Variants in SETX observed in about 807,000 individuals in gnomAD.
SETX encodes helicase senataxin.
SETX carries 90 observed loss-of-function variants against 227.2 expected under a neutral mutation model. That is an observed-to-expected ratio of 0.40 (90% CI 0.33 to 0.47). The LOEUF (loss-of-function observed/expected upper bound fraction) is 0.47. Among genes scored for constraint, SETX ranks in the 20% least tolerant of loss-of-function variants. SETX has a pLI of 0.91. For synonymous variants in SETX, 1,210 were observed against 1,113.2 expected (o/e 1.09, Z -1.73); for missense variants, 3,052 against 3,181.5 (o/e 0.96, Z 0.98).
At chr9:132,291,159 C>T (rs1395515100) in intron 15 of SETX, among the ~76,000 whole-genome samples, 3 of 83,822 alleles carry the variant, frequency 3.6e-5, no homozygotes, top group Admixed American at 1.6e-4. Flanking sequence ...GTTTGAAAAC[C>T]TTTTTTTTTT....
At chr9:132,304,414 C>T (rs1337785509) in intron 11 of SETX, among the ~76,000 whole-genome samples, 2 of 151,658 alleles carry the variant, frequency 1.3e-5, no homozygotes, top group Non-Finnish European at 2.9e-5. Context: ...ACTACACTTG[C>T]AGAAAAGGGT....
At chr9:132,333,394 AAAAG>A (rs201800051) in intron 7 of SETX, among the ~76,000 whole-genome samples, 570 of 40,948 alleles carry the variant, frequency 0.014, 60 homozygotes, top group African/African-American at 0.032. Flanking sequence ...AAAAAAAAAA[AAAAG>A]AAAAAAAAAA....
chr9:132,342,830 A>G (rs1428404815), intron 4 of SETX, 31 bp from the exon 5 acceptor site: 1 of 1,453,218 alleles, frequency 6.9e-7, no homozygotes, highest in South Asian at 1.1e-5. Context: ...AAAATACATA[A>G]ATCTTATCAC....
intron 15 of SETX, among the ~76,000 whole-genome samples, chr9:132,289,077 TG>T (rs1844121167): frequency 6.6e-6 from 1 of 152,168 alleles, no homozygotes; most frequent in South Asian, 2.1e-4. Context: ...CATAAAAATA[TG>T]GAACAGTAAG....
chr9:132,338,536 G>T (rs953759100), intron 5 of SETX, among the ~76,000 whole-genome samples: 1 of 152,162 alleles, frequency 6.6e-6, no homozygotes, highest in Non-Finnish European at 1.5e-5. Context: ...GCAATAACTA[G>T]AGGTTTTGCA....
rs1195892338 is a variant in SETX, at chr9:132,327,972, T to C, written c.3626A>G (p.Asn1209Ser). ...CGTAGTGGCTCTCTGAATACGTGAA[T>C]TGGGAGTTGAAGTCCTTCTATCAAT... ...KSIDRRTSTP[N>S]SRIQRATTVS... is the part of the protein sequence containing the mutation. Residue 1209 changes from asparagine (N) to serine (S), a missense_variant, in exon 10 of 26, where the codon AAT becomes AGT. Coordinates refer to ENST00000224140, the MANE Select transcript of SETX (RefSeq NM_015046.7). The C allele has an allele frequency of 1.9e-6, 3 of 1,613,958 alleles. No homozygotes were observed. The highest frequency in any genetic ancestry group is 2.2e-5 in the East Asian group (1 of 44,888).
chr9:132,318,655 A>C (rs2131384563), intron 10 of SETX, among the ~76,000 whole-genome samples: 1 of 152,276 alleles, frequency 6.6e-6, no homozygotes, highest in Non-Finnish European at 1.5e-5. Flanking sequence ...GGAGGGAACA[A>C]GTGAACTTTC....
At chr9:132,346,157 AATT>A in intron 4 of SETX, 101 bp downstream of exon 4, 1 of 916,142 alleles carries the variant, frequency 1.1e-6, no homozygotes. Context: ...TATATATCCT[AATT>A]ATATGTTTAG....
chr9:132,356,407 G>T (rs1340475089), upstream of SETX, among the ~76,000 whole-genome samples: 3 of 152,050 alleles, frequency 2.0e-5, no homozygotes, highest in East Asian at 5.8e-4. Context: ...TCACCATGTT[G>T]GCCAGGATGG....
intron 7 of SETX, among the ~76,000 whole-genome samples, chr9:132,334,194 C>T (rs1321582518): frequency 6.6e-6 from 1 of 152,080 alleles, no homozygotes; most frequent in African/African-American, 2.4e-5. Context: ...GCCTGTAATC[C>T]CAGCACTTTG....
Position 132,279,607 on chromosome 9 carries a change from A to C in SETX, c.6655-1350T>G, listed in dbSNP as rs185929615. On this transcript the variant is annotated intron_variant, in intron 20 of 25. Transcript: ENST00000224140. ...AAAGGCATTACTTCTTAACCTATTT[A>C]TATGTGTGATTTTAAACAGGTTTGT... is the stretch of plus-strand genomic sequence containing the variant. Among the ~76,000 whole-genome samples, 3 of 152,334 alleles carry C rather than the reference A, an allele frequency of 2.0e-5. No individual in the cohort carries two copies. The East Asian group carries it at 5.8e-4, about 29-fold the overall frequency.
chr9:132,347,404 C>T (rs982898003), intron 3 of SETX, among the ~76,000 whole-genome samples: 1 of 151,776 alleles, frequency 6.6e-6, no homozygotes, highest in Non-Finnish European at 1.5e-5. Context: ...CCTTGGCCTC[C>T]CAGGTTCAAG....
rs769140927 is a variant in SETX, at chr9:132,330,104, A to G, written c.1494T>C (p.Thr498=). Residue 498 remains threonine, a synonymous_variant, in exon 10 of 26, where the codon ACT becomes ACC. Transcript: ENST00000224140. ...ATTTCTCAGAACTCCGTGTAAACGCAGTGGTAGGAAGCTTGGCACATTTGA... is the reference window on the plus strand; with the variant it reads ...ATTTCTCAGAACTCCGTGTAAACGCGGTGGTAGGAAGCTTGGCACATTTGA... ...AVVKCAKLPT[T]AFTRSSEKSS... The G allele has an allele frequency of 1.2e-6, 2 of 1,614,006 alleles. No homozygotes were observed. The highest frequency in any genetic ancestry group is 8.5e-7 in the Non-Finnish European group (1 of 1,179,818).
intron 25 of SETX, among the ~76,000 whole-genome samples, chr9:132,266,934 C>T (rs544440184): frequency 2.6e-5 from 4 of 152,248 alleles, no homozygotes; most frequent in East Asian, 1.9e-4. Flanking sequence ...GTGATTCATT[C>T]GTGCTAAATT....
At chr9:132,330,998 C>A (rs1847188524) in intron 9 of SETX, 54 bp downstream of exon 9, 1 of 1,329,186 alleles carries the variant, frequency 7.5e-7, no homozygotes, top group Admixed American at 1.7e-5. Context: ...ACAAAATAGT[C>A]TACACAATAT....
At chr9:132,280,998 G>A (rs1488718934) in intron 20 of SETX, among the ~76,000 whole-genome samples, 1 of 151,928 alleles carries the variant, frequency 6.6e-6, no homozygotes, top group East Asian at 1.9e-4. Flanking sequence ...TTCTAAAAAT[G>A]GAAATGTACT....
intron 5 of SETX, among the ~76,000 whole-genome samples, chr9:132,341,926 T>C (rs1472600222): frequency 6.6e-6 from 1 of 152,238 alleles, no homozygotes; most frequent in Admixed American, 6.5e-5. Flanking sequence ...AGGAATGTGA[T>C]TATACCCCTT....
In SETX at chr9:132,330,094, G is replaced by T. The variant is rs534723946; in HGVS notation, c.1504C>A (p.Arg502=). 2 of 1,614,196 alleles carry T rather than the reference G, an allele frequency of 1.2e-6. No homozygotes were observed. Among genetic ancestry groups the T allele is most frequent in the Non-Finnish European group, 1.7e-6 (2 of 1,180,006 alleles). Residue 502 remains arginine, a synonymous_variant, in exon 10 of 26, where the codon CGG becomes AGG. Transcript: ENST00000224140. ...TTTCCAGATGATTTCTCAGAACTCC[G>T]TGTAAACGCAGTGGTAGGAAGCTTG... The part of the protein sequence containing the change: ...CAKLPTTAFT[R]SSEKSSGNCS...
chr9:132,349,200 C>T, intron 3 of SETX, 52 bp downstream of exon 3: 1 of 1,546,834 alleles, frequency 6.5e-7, no homozygotes, highest in Non-Finnish European at 8.9e-7. Flanking sequence ...CAAACTTACT[C>T]TCTTCCCAGC....
Sources: allele counts gnomAD v4.1 joint callset (sites outside exome capture counted in the v4.1 genomes callset), GRCh38; gene constraint gnomAD v4.1.1; transcripts MANE v1.5; gene names NCBI Gene and HGNC (gene_info 2026-07-23, HGNC 2026-07-21).